TEX10: variants seen among roughly 807,000 people sequenced by gnomAD.
TEX10 encodes testis expressed 10, also known as testis-expressed protein 10.
In TEX10, 24 loss-of-function variants were observed where a neutral mutation model predicts 104.4. The ratio of observed to expected loss-of-function variants is 0.23; its 90% CI spans 0.17 to 0.32. TEX10 has a LOEUF of 0.32. Ranked by LOEUF, TEX10 falls within the 10% of genes least tolerant of loss-of-function variation. The probability of loss-of-function intolerance (pLI) is 1.00; values close to 1 mark genes in which losing one functional copy is unlikely to be tolerated. For synonymous variants in TEX10, 396 were observed against 393.4 expected (o/e 1.01, Z -0.08); for missense variants, 921 against 1,083.9 (o/e 0.85, Z 2.11).
intron 5 of TEX10, among the ~76,000 whole-genome samples, chr9:100,339,229 G>C (rs1391304590): frequency 1.1e-5 from 1 of 93,328 alleles, no homozygotes; most frequent in Non-Finnish European, 1.9e-5. Context: ...CTGGGAAACA[G>C]AGTGAGACTC....
At chr9:100,332,836 G>A (rs963774415) in intron 5 of TEX10, among the ~76,000 whole-genome samples, 4 of 150,298 alleles carry the variant, frequency 2.7e-5, no homozygotes, top group Non-Finnish European at 5.9e-5. Context: ...AAAAAAAATT[G>A]CTGAAAATAA....
At chr9:100,346,373 C>A in intron 3 of TEX10, 58 bp from the exon 4 acceptor site, 1 of 1,519,564 alleles carries the variant, frequency 6.6e-7, no homozygotes, top group Non-Finnish European at 8.8e-7. Context: ...TTATCCCTTG[C>A]TAATTTAAAT....
At chr9:100,338,092 A>C (rs928540005) in intron 5 of TEX10, among the ~76,000 whole-genome samples, 6 of 152,166 alleles carry the variant, frequency 3.9e-5, no homozygotes, top group African/African-American at 1.4e-4. Context: ...TTTCCTTTGT[A>C]GATGGCTTAT....
At chr9:100,334,657 ATTTTGTTCTTTTTTTTTTTTTTCC>A (rs1834961701) in intron 5 of TEX10, among the ~76,000 whole-genome samples, 1 of 136,882 alleles carries the variant, frequency 7.3e-6, no homozygotes, top group Non-Finnish European at 1.5e-5. Context: ...TGATAGGCTC[ATTTTGTTCTTTTTTTTTTTTTTCC>A]TGAGACAGAG....
At chr9:100,331,522 G>C (rs1834862082) in intron 5 of TEX10, among the ~76,000 whole-genome samples, 2 of 152,174 alleles carry the variant, frequency 1.3e-5, no homozygotes, top group African/African-American at 4.8e-5. Flanking sequence ...ATTAATCCTA[G>C]TTAGTCTTGA....
chr9:100,322,786 T>C (rs1174333242), intron 9 of TEX10, among the ~76,000 whole-genome samples: 1 of 152,062 alleles, frequency 6.6e-6, no homozygotes, highest in Non-Finnish European at 1.5e-5. Flanking sequence ...CAGCTAATTT[T>C]TGTATTTTTA....
chr9:100,351,826 T>C (rs1835458546), intron 1 of TEX10, among the ~76,000 whole-genome samples: 1 of 152,234 alleles, frequency 6.6e-6, no homozygotes, highest in Admixed American at 6.5e-5. Context: ...CTACTAGTAA[T>C]TGACTTTAAC....
chr9:100,323,025 G>A (rs1834609866), intron 9 of TEX10, among the ~76,000 whole-genome samples: 1 of 152,166 alleles, frequency 6.6e-6, no homozygotes, highest in Non-Finnish European at 1.5e-5. Flanking sequence ...CACATGCTAA[G>A]GGGGTTATAA....
intron 1 of TEX10, chr9:100,352,566 C>G: frequency 6.5e-7 from 1 of 1,535,668 alleles, no homozygotes; most frequent in Non-Finnish European, 8.8e-7. Context: ...CCTGAAGCTC[C>G]GCAAACGCCC....
At chr9:100,328,220 C>T (rs868106268) in intron 7 of TEX10, among the ~76,000 whole-genome samples, 12 of 152,158 alleles carry the variant, frequency 7.9e-5, no homozygotes, top group African/African-American at 2.9e-4. Flanking sequence ...AGACACTTAA[C>T]TATTTATCCT....
chr9:100,342,419 G>C (rs998209818), intron 4 of TEX10, among the ~76,000 whole-genome samples: 2 of 152,140 alleles, frequency 1.3e-5, no homozygotes, highest in African/African-American at 4.8e-5. Flanking sequence ...CCAGAGTCTA[G>C]AATAGTACTA....
At chr9:100,342,106 T>C (rs1835188593) in intron 4 of TEX10, among the ~76,000 whole-genome samples, 1 of 152,234 alleles carries the variant, frequency 6.6e-6, no homozygotes, top group African/African-American at 2.4e-5. Flanking sequence ...ATGCGAAGCC[T>C]GTTCTCACCT....
intron 5 of TEX10, among the ~76,000 whole-genome samples, chr9:100,332,569 C>T (rs1463726756): frequency 6.6e-6 from 1 of 152,164 alleles, no homozygotes; most frequent in Non-Finnish European, 1.5e-5. Context: ...CGCCTGTAAT[C>T]CCAACACTCT....
chr9:100,351,539 G>C (rs1254143202), intron 1 of TEX10, among the ~76,000 whole-genome samples: 1 of 152,046 alleles, frequency 6.6e-6, no homozygotes, highest in Non-Finnish European at 1.5e-5. Context: ...ATTACTAGCT[G>C]GTACTAGACA....
Position 100,308,556 on chromosome 9 carries a change from A to G in TEX10, c.2409T>C (p.Ser803=). The G allele has an allele frequency of 1.2e-6, 2 of 1,612,868 alleles. No individual in the cohort carries two copies. Among genetic ancestry groups the G allele is most frequent in the South Asian group, 2.2e-5 (2 of 90,826 alleles). ...LLPFLASCCY[S]LLYFLLTIEK... is the part of the protein sequence containing the mutation. ...CTATAGTGAGCAGAAAATAAAGAAG[A>G]CTGTAGCAACAAGAAGCCAGAAATG... The change falls in exon 13 of 15, where the codon AGT becomes AGC. Residue 803 remains serine (S), a synonymous_variant. Coordinates refer to ENST00000374902, the MANE Select transcript of TEX10 (RefSeq NM_017746.4).
intron 5 of TEX10, among the ~76,000 whole-genome samples, chr9:100,339,242 T>C (rs1436798570): frequency 2.0e-5 from 1 of 50,412 alleles, no homozygotes; most frequent in Non-Finnish European, 3.1e-5. Flanking sequence ...TGAGACTCCA[T>C]CTCAAAAAAA....
intron 5 of TEX10, among the ~76,000 whole-genome samples, chr9:100,335,848 C>T (rs1834992697): frequency 6.6e-6 from 1 of 151,744 alleles, no homozygotes; most frequent in African/African-American, 2.4e-5. Context: ...TATATTTTAC[C>T]CCAATAAAAA....
chr9:100,349,443 A>G (rs1835385154), intron 1 of TEX10, 71 bp from the exon 2 acceptor site: 1 of 916,366 alleles, frequency 1.1e-6, no homozygotes, highest in South Asian at 2.3e-5. Context: ...GGCACTTTCC[A>G]ACACATACTA....
chr9:100,329,881 G>T, intron 6 of TEX10, 50 bp downstream of exon 6: 1 of 1,425,634 alleles, frequency 7.0e-7, no homozygotes, highest in Non-Finnish European at 9.7e-7. Context: ...CCTTAAGATA[G>T]CACATGTAAG....
Sources: gnomAD v4.1 joint callset for allele counts (sites outside exome capture counted in the v4.1 genomes callset) on GRCh38, gnomAD v4.1.1 for gene constraint, MANE v1.5 for transcripts, NCBI Gene and HGNC (gene_info 2026-07-23, HGNC 2026-07-21) for gene names.